SDK1: variants seen among roughly 807,000 people sequenced by gnomAD.
The protein encoded by SDK1 is protein sidekick-1.
SDK1 carries 157 observed loss-of-function variants against 245.5 expected under a neutral mutation model. The observed-to-expected ratio is 0.64, with a 90% CI of 0.56 to 0.73. SDK1 has a LOEUF of 0.73. Ranked by LOEUF, SDK1 falls within the 30% of genes least tolerant of loss-of-function variation. The pLI is 0.00. For missense variants in SDK1, 3,583 were observed against 3,002.3 expected, an observed-to-expected ratio of 1.19 and a Z score of -4.52; for synonymous variants, 1,647 against 1,278.5, an observed-to-expected ratio of 1.29 and a Z score of -6.15.
intron 5 of SDK1, among the ~76,000 whole-genome samples, chr7:3,906,617 C>CTTTTTTTT (rs71032914): frequency 1.4e-4 from 8 of 57,248 alleles, no homozygotes; most frequent in Non-Finnish European, 1.9e-4. Context: ...ATTTCAGTGT[C>CTTTTTTTT]TTTTTTTTTT....
chr7:3,980,803 G>C (rs375792520), intron 13 of SDK1, among the ~76,000 whole-genome samples: 3 of 152,070 alleles, frequency 2.0e-5, no homozygotes, highest in East Asian at 1.9e-4. Flanking sequence ...TTAGCCGGGC[G>C]TGGTGTTGGG....
At chr7:3,702,170 C>T (rs771093691) in intron 4 of SDK1, among the ~76,000 whole-genome samples, 10 of 152,010 alleles carry the variant, frequency 6.6e-5, no homozygotes, top group Non-Finnish European at 1.3e-4. Context: ...AACATCTGCT[C>T]TGCAAGGGGA....
chr7:3,500,270 T>G (rs1395328673), intron 1 of SDK1, among the ~76,000 whole-genome samples: 1 of 152,204 alleles, frequency 6.6e-6, no homozygotes. Flanking sequence ...CTTTCTTATA[T>G]CCCCTATTTT....
chr7:4,183,658 A>G (rs1271971616), intron 35 of SDK1, among the ~76,000 whole-genome samples: 1 of 151,794 alleles, frequency 6.6e-6, no homozygotes, highest in Non-Finnish European at 1.5e-5. Flanking sequence ...AAAAAAAAAA[A>G]AGAAAGTATG....
At chr7:4,070,665 A>C (rs913891909) in intron 20 of SDK1, among the ~76,000 whole-genome samples, 1 of 151,626 alleles carries the variant, frequency 6.6e-6, no homozygotes, top group African/African-American at 2.4e-5. Flanking sequence ...CGGTGTGCCC[A>C]CAGCCCATAC....
chr7:3,458,718 A>G (rs1780745308), intron 1 of SDK1, among the ~76,000 whole-genome samples: 1 of 152,060 alleles, frequency 6.6e-6, no homozygotes, highest in African/African-American at 2.4e-5. Flanking sequence ...AATTAACATA[A>G]TCATCCTTTC....
chr7:4,196,530 G>C (rs999940017), intron 35 of SDK1, among the ~76,000 whole-genome samples: 6 of 152,104 alleles, frequency 3.9e-5, no homozygotes, highest in African/African-American at 1.4e-4. Context: ...GCCCCTCCCT[G>C]CCCCTTGCTC....
In SDK1 at chr7:3,868,524, A is replaced by T. The variant is rs76867104; in HGVS notation, c.847+46941A>T. ...AAAACATAATTTGCATTACTGTTAG[A>T]CAAAATAGATGGGGGGCCTTTACAA... On this transcript the variant is annotated intron_variant, in intron 5 of 44. Transcript: ENST00000404826. Among the ~76,000 whole-genome samples, 1,253 of 152,336 alleles carry T rather than the reference A, an allele frequency of 8.2e-3. 22 individuals are homozygous for T. The highest frequency in any genetic ancestry group is 0.028 in the African/African-American group (1,183 of 41,564).
intron 1 of SDK1, among the ~76,000 whole-genome samples, chr7:3,406,870 A>G (rs749089068): frequency 1.1e-4 from 17 of 152,216 alleles, no homozygotes; most frequent in Admixed American, 3.3e-4. Context: ...ATTTTATAAG[A>G]TAAATGTGAA....
intron 27 of SDK1, 94 bp downstream of exon 27, chr7:4,130,191 A>AT: frequency 7.5e-7 from 1 of 1,337,010 alleles, no homozygotes; most frequent in South Asian, 1.5e-5. Context: ...TTTTAACTTA[A>AT]TTTTCAAACC....
intron 44 of SDK1, among the ~76,000 whole-genome samples, chr7:4,250,084 A>T (rs1279438473): frequency 6.6e-6 from 1 of 152,156 alleles, no homozygotes; most frequent in Non-Finnish European, 1.5e-5. Flanking sequence ...GGCAACCAGT[A>T]AGCTACTTTC....
At chr7:3,936,084 T>G (rs1297251788) in intron 5 of SDK1, among the ~76,000 whole-genome samples, 1 of 152,188 alleles carries the variant, frequency 6.6e-6, no homozygotes, top group African/African-American at 2.4e-5. Context: ...TTCTGACACA[T>G]GCTGTATCAA....
intron 5 of SDK1, among the ~76,000 whole-genome samples, chr7:3,865,487 A>C (rs374650262): frequency 6.6e-6 from 1 of 152,034 alleles, no homozygotes; most frequent in Non-Finnish European, 1.5e-5. Context: ...CCAGGTGTCT[A>C]TTTTCCCTGA....
intron 4 of SDK1, among the ~76,000 whole-genome samples, chr7:3,792,224 T>G (rs1781117941): frequency 6.6e-6 from 1 of 152,038 alleles, no homozygotes; most frequent in African/African-American, 2.4e-5. Flanking sequence ...GCCCCCCACT[T>G]CCATGCCCTA....
At chr7:3,313,777 T>G (rs943852183) in intron 1 of SDK1, among the ~76,000 whole-genome samples, 3 of 152,212 alleles carry the variant, frequency 2.0e-5, no homozygotes, top group African/African-American at 7.2e-5. Context: ...GATAACTTGT[T>G]TTATTCTTGA....
chr7:3,475,426 G>C (rs1463713297), intron 1 of SDK1, among the ~76,000 whole-genome samples: 3 of 152,264 alleles, frequency 2.0e-5, no homozygotes, highest in Non-Finnish European at 4.4e-5. Context: ...CCAGAGCAGC[G>C]TTTCCACCCT....
chr7:3,701,654 A>G (rs1784742428), intron 4 of SDK1, among the ~76,000 whole-genome samples: 1 of 152,182 alleles, frequency 6.6e-6, no homozygotes, highest in African/African-American at 2.4e-5. Flanking sequence ...TAAGCAAAGG[A>G]GCTGGAATAG....
intron 22 of SDK1, among the ~76,000 whole-genome samples, chr7:4,101,873 T>C (rs901719744): frequency 2.7e-4 from 41 of 149,676 alleles, no homozygotes; most frequent in African/African-American, 1.0e-3. Context: ...CTCAGGAGGG[T>C]CAGAGAAAGG....
intron 44 of SDK1, among the ~76,000 whole-genome samples, chr7:4,248,095 A>T (rs1349553554): frequency 6.6e-6 from 1 of 152,154 alleles, no homozygotes; most frequent in Admixed American, 6.5e-5. Flanking sequence ...GCAAATGTTT[A>T]TGGAAGATTA....
Sources: allele counts gnomAD v4.1 joint callset (sites outside exome capture counted in the v4.1 genomes callset), GRCh38; gene constraint gnomAD v4.1.1; transcripts MANE v1.5; gene names NCBI Gene and HGNC (gene_info 2026-07-23, HGNC 2026-07-21).